Variants in LRIG1 observed in about 807,000 individuals in gnomAD.
LRIG1 encodes leucine-rich repeats and immunoglobulin-like domains protein 1.
In LRIG1, 48 loss-of-function variants were observed where a neutral mutation model predicts 99.2. That is an observed-to-expected ratio of 0.48 (90% CI 0.38 to 0.62). The LOEUF (loss-of-function observed/expected upper bound fraction) is 0.62, where lower values mean the gene tolerates loss of function less well. LRIG1 is among the 20% of genes least tolerant of loss of function. The pLI is 0.00. For missense variants in LRIG1, 1,646 were observed against 1,434.4 expected (o/e 1.15, Z -2.38); for synonymous variants, 772 against 596.1 (o/e 1.29, Z -4.30).
intron 3 of LRIG1, among the ~76,000 whole-genome samples, chr3:66,440,108 T>C (rs1164127587): frequency 6.6e-6 from 1 of 152,116 alleles, no homozygotes; most frequent in Admixed American, 6.5e-5. Context: ...GGAGGAACAA[T>C]GCCTTTCAGT....
At chr3:66,406,946 A>T (rs1702289382) in intron 8 of LRIG1, among the ~76,000 whole-genome samples, 1 of 152,156 alleles carries the variant, frequency 6.6e-6, no homozygotes, top group East Asian at 1.9e-4. Context: ...AATATTCAGG[A>T]CTTGGAAGTT....
At chr3:66,471,678 T>C (rs1456081329) in intron 1 of LRIG1, among the ~76,000 whole-genome samples, 1 of 152,176 alleles carries the variant, frequency 6.6e-6, no homozygotes, top group Non-Finnish European at 1.5e-5. Context: ...CACGCTCTAC[T>C]GCGGCAGAAA....
chr3:66,447,741 G>C lies in LRIG1; in HGVS notation c.365+3818C>G, dbSNP rs114646570. Among the ~76,000 whole-genome samples, 12 of 152,236 alleles carry C rather than the reference G, an allele frequency of 7.9e-5. No individual in the cohort carries two copies. The South Asian group carries it at 2.3e-3, about 29-fold the overall frequency. On this transcript the variant is annotated intron_variant, in intron 3 of 18. Transcript: ENST00000273261. ...TACTCCCAGGACTGAAAAATTCAAC[G>C]ATTTCCACTGTCACCAATCTTCTCG... is the stretch of plus-strand genomic sequence containing the variant.
rs371838577 is a variant in LRIG1 at position 66,386,315 on chromosome 3, G to A, written c.1469-14C>T. 4.3e-6 allele frequency: 7 copies of A among 1,610,434 alleles called. No homozygotes were observed. The highest frequency in any genetic ancestry group is 3.3e-5 in the Admixed American group (2 of 59,884). ...TCAGGAAGTCATCTGGGGAGAGAAG[G>A]GTCAACTGTAAAGCGCTGGGTTCTT... is the stretch of plus-strand genomic sequence containing the variant. On this transcript the variant is annotated splice_polypyrimidine_tract_variant and intron_variant, in intron 12 of 18. Coordinates refer to ENST00000273261, the MANE Select transcript of LRIG1 (RefSeq NM_015541.3).
intron 3 of LRIG1, among the ~76,000 whole-genome samples, chr3:66,419,993 G>A (rs1363947766): frequency 2.6e-5 from 4 of 152,084 alleles, no homozygotes; most frequent in East Asian, 1.9e-4. Context: ...AGAGAGACCC[G>A]CTAAAAATAA....
At chr3:66,387,548 T>C (rs1240783629) in intron 12 of LRIG1, 1 of 152,068 alleles carries the variant, frequency 6.6e-6, no homozygotes, top group Non-Finnish European at 1.5e-5. Flanking sequence ...CTAGGCAAGC[T>C]GTAACAATAA....
Position 66,380,263 on chromosome 3 carries a change from C to T in LRIG1, c.3282G>A (p.Ter1094=), listed in dbSNP as rs1275021127. ...TGACAAGAACTGAGGTAGACAAAAC[C>T]TAGCTTTTTGGTGCCAACAGCAGTG... ...RVPLLLAPKS[*] The change falls in exon 19 of 19, where the codon TAG becomes TAA. Residue 1094 remains the stop codon, a stop_retained_variant. Transcript: ENST00000273261. 1 of 1,609,608 alleles carries T rather than the reference C, an allele frequency of 6.2e-7. No homozygotes were observed. Among genetic ancestry groups the T allele is most frequent in the East Asian group, 2.2e-5 (1 of 44,804 alleles).
At chr3:66,434,405 A>G (rs1404512702) in intron 3 of LRIG1, among the ~76,000 whole-genome samples, 1 of 152,242 alleles carries the variant, frequency 6.6e-6, no homozygotes, top group Non-Finnish European at 1.5e-5. Flanking sequence ...AATGAAAACC[A>G]TAATGAGCTA....
chr3:66,440,077 A>C (rs1365333570), intron 3 of LRIG1, among the ~76,000 whole-genome samples: 1 of 152,076 alleles, frequency 6.6e-6, no homozygotes, highest in East Asian at 1.9e-4. Context: ...AATGATAGTT[A>C]TGAGAGGGGA....
chr3:66,385,832 G>T, intron 13 of LRIG1, 149 bp downstream of exon 13: 1 of 751,716 alleles, frequency 1.3e-6, no homozygotes, highest in Non-Finnish European at 2.2e-6. Flanking sequence ...TTGCTCTGGG[G>T]CAAACCCAGG....
At chr3:66,414,749 C>T (rs1028449303) in intron 5 of LRIG1, among the ~76,000 whole-genome samples, 171 bp downstream of exon 5, 3 of 152,184 alleles carry the variant, frequency 2.0e-5, no homozygotes, top group Non-Finnish European at 2.9e-5. Context: ...GCCACAGCAC[C>T]AGACCCAGCT....
At chr3:66,400,900 C>T (rs1702026824) in intron 9 of LRIG1, among the ~76,000 whole-genome samples, 2 of 152,104 alleles carry the variant, frequency 1.3e-5, no homozygotes, top group African/African-American at 4.8e-5. Context: ...CACAGCAGAG[C>T]CAGAGGGAGG....
intron 2 of LRIG1, 135 bp downstream of exon 2, chr3:66,462,303 C>T (rs1234830150): frequency 4.4e-6 from 3 of 678,104 alleles, no homozygotes; most frequent in Non-Finnish European, 8.1e-6. Context: ...TTCATCAACA[C>T]AGTCCATACA....
chr3:66,488,558 G>C (rs1701028418), intron 1 of LRIG1, among the ~76,000 whole-genome samples: 1 of 151,980 alleles, frequency 6.6e-6, no homozygotes, highest in African/African-American at 2.4e-5. Context: ...AATCACTTGA[G>C]CCAGGAAGGC....
chr3:66,397,982 C>A, intron 11 of LRIG1, 130 bp downstream of exon 11: 1 of 699,194 alleles, frequency 1.4e-6, no homozygotes, highest in Non-Finnish European at 2.5e-6. Flanking sequence ...GACAGAGACT[C>A]TGTGGCCCAC....
At chr3:66,435,914 C>T (rs958596728) in intron 3 of LRIG1, among the ~76,000 whole-genome samples, 5 of 152,168 alleles carry the variant, frequency 3.3e-5, no homozygotes, top group Non-Finnish European at 7.3e-5. Context: ...TGGAATCAGC[C>T]TTCCTGCTAC....
At chr3:66,458,944 G>C (rs1244394224) in intron 2 of LRIG1, among the ~76,000 whole-genome samples, 1 of 150,544 alleles carries the variant, frequency 6.6e-6, no homozygotes, top group Non-Finnish European at 1.5e-5. Context: ...TTGAACCGAA[G>C]AGGCGGAGGT....
chr3:66,394,282 C>A, intron 11 of LRIG1, 79 bp from the exon 12 acceptor site: 1 of 1,237,024 alleles, frequency 8.1e-7, no homozygotes, highest in South Asian at 1.6e-5. Flanking sequence ...AATGATCAGT[C>A]GCCTCCAATC....
chr3:66,442,952 C>T (rs948973424), intron 3 of LRIG1, among the ~76,000 whole-genome samples: 1 of 152,020 alleles, frequency 6.6e-6, no homozygotes, highest in Admixed American at 6.5e-5. Context: ...TGGCTCACCA[C>T]CCCCACTCTC....
Sources: allele counts gnomAD v4.1 joint callset (sites outside exome capture counted in the v4.1 genomes callset), GRCh38; gene constraint gnomAD v4.1.1; transcripts MANE v1.5; gene names NCBI Gene and HGNC (gene_info 2026-07-23, HGNC 2026-07-21).